SHOC1: variants seen among roughly 807,000 people sequenced by gnomAD.
The protein encoded by SHOC1 is shortage in chiasmata 1.
Under a neutral mutation model 179.2 loss-of-function variants are expected in SHOC1, and 136 were observed. The observed-to-expected ratio is 0.76, with a 90% CI of 0.66 to 0.87. The LOEUF is 0.87. Ranked by LOEUF, SHOC1 falls within the 40% of genes least tolerant of loss-of-function variation. The pLI is 0.00. For missense variants in SHOC1, 1,538 were observed against 1,700.8 expected, an observed-to-expected ratio of 0.90 and a Z score of 1.68; for synonymous variants, 489 against 586.6, an observed-to-expected ratio of 0.83 and a Z score of 2.41.
intron 25 of SHOC1, 74 bp from the exon 26 acceptor site, chr9:111,694,022 A>C: frequency 7.7e-7 from 1 of 1,291,712 alleles, no homozygotes. Context: ...AAGTAAGTAC[A>C]TTTCTTCCTA....
Position 111,691,829 on chromosome 9 carries a change from C to G in SHOC1, c.4148G>C (p.Cys1383Ser), listed in dbSNP as rs1643924923. 6.2e-7 allele frequency: 1 copy of G among 1,613,764 alleles called. No homozygotes were observed. The highest frequency in any genetic ancestry group is 8.5e-7 in the Non-Finnish European group (1 of 1,179,958). The change falls in exon 27 of 28, where the codon TGT becomes TCT. Residue 1383 changes from cysteine to serine, a missense_variant. Physicochemically the swap from Cys to Ser is moderately radical, Grantham distance 112 (BLOSUM62 -1). Coordinates refer to ENST00000682961, the MANE Select transcript of SHOC1 (RefSeq NM_001378211.1). ...NLQYGAQQTA[C>S]NKLYSQKGNL... is the part of the protein sequence containing the mutation. The stretch of plus-strand genomic sequence containing the variant: ...ACCTTTCTGAGAGTACAATTTGTTA[C>G]ATGCAGTCTGCTGTGCACCATATTG...
chr9:111,686,939 C>CTTT (rs10537471), intron 27 of SHOC1, 69 bp from the exon 28 acceptor site: 13,645 of 518,940 alleles, frequency 0.026, 3 homozygotes, highest in East Asian at 0.048. Context: ...TTTTCTTTTC[C>CTTT]TTTTTTTTTT....
intron 12 of SHOC1, among the ~76,000 whole-genome samples, chr9:111,730,770 T>C (rs776745202): frequency 6.6e-6 from 1 of 152,218 alleles, no homozygotes; most frequent in Non-Finnish European, 1.5e-5. Context: ...TAGCCCCTAA[T>C]AGGAGTGTCA....
At chr9:111,772,238 T>C (rs1835641073) in intron 5 of SHOC1, among the ~76,000 whole-genome samples, 1 of 152,156 alleles carries the variant, frequency 6.6e-6, no homozygotes, top group African/African-American at 2.4e-5. Flanking sequence ...AGTTCCAAAA[T>C]TTGTTTGAGT....
chr9:111,740,205 C>G (rs1833970646), intron 11 of SHOC1, among the ~76,000 whole-genome samples: 1 of 152,108 alleles, frequency 6.6e-6, no homozygotes, highest in East Asian at 1.9e-4. Context: ...TTGTTGAATT[C>G]CCAGTTTTAT....
intron 13 of SHOC1, 34 bp downstream of exon 13, chr9:111,727,599 C>A: frequency 6.6e-7 from 1 of 1,516,396 alleles, no homozygotes; most frequent in Non-Finnish European, 8.8e-7. Context: ...TTGAGCCTAC[C>A]ATATCTACGG....
chr9:111,712,809 T>C (rs1832614246), intron 18 of SHOC1, among the ~76,000 whole-genome samples: 1 of 152,214 alleles, frequency 6.6e-6, no homozygotes, highest in African/African-American at 2.4e-5. Context: ...ATAAAACCTA[T>C]TCATAGAATT....
Position 111,725,519 on chromosome 9 carries a change from G to A in SHOC1, c.1835-1608C>T, listed in dbSNP as rs549902424. Among the ~76,000 whole-genome samples the A allele has an allele frequency of 1.1e-3, 166 of 152,272 alleles. 1 individual carries two copies. Among genetic ancestry groups the A allele is most frequent in the Middle Eastern group, 0.01 (3 of 294 alleles). On this transcript the variant is annotated intron_variant, in intron 13 of 27. Coordinates refer to ENST00000682961, the MANE Select transcript of SHOC1 (RefSeq NM_001378211.1). The stretch of plus-strand genomic sequence containing the variant: ...ACCCCACTGGGTCCAGGGAGGGCGG[G>A]GGAGGTCAGGGGCACTGCCCAGAAA...
At chr9:111,705,982 C>T (rs1055922541) in intron 20 of SHOC1, among the ~76,000 whole-genome samples, 6 of 152,054 alleles carry the variant, frequency 3.9e-5, no homozygotes, top group African/African-American at 1.4e-4. Flanking sequence ...ATTTAGACTT[C>T]CCACTCATAT....
At chr9:111,697,329 T>C (rs1457715035) in intron 24 of SHOC1, among the ~76,000 whole-genome samples, 1 of 152,136 alleles carries the variant, frequency 6.6e-6, no homozygotes, top group Non-Finnish European at 1.5e-5. Context: ...CTCCTAATGC[T>C]ATCACTCCCA....
chr9:111,720,660 TAC>T (rs1323782123), intron 15 of SHOC1, among the ~76,000 whole-genome samples: 1 of 152,212 alleles, frequency 6.6e-6, no homozygotes, highest in Admixed American at 6.5e-5. Context: ...TTTCATGCTT[TAC>T]AGTTTTTGCA....
rs1271615399 is a variant in SHOC1 at position 111,786,006 on chromosome 9, A to T, written c.75T>A (p.Asp25Glu). 1.3e-6 allele frequency: 2 copies of T among 1,516,194 alleles called. No individual in the cohort carries two copies. The highest frequency in any genetic ancestry group is 1.8e-6 in the Non-Finnish European group (2 of 1,132,798). 93.9% of individuals were successfully genotyped at this position (1,516,194 alleles called of 1,614,324 possible). Residue 25 changes from aspartate to glutamate, a missense_variant, in exon 3 of 28, where the codon GAT becomes GAA. Physicochemically the swap from Asp to Glu is conservative, Grantham distance 45. Coordinates refer to ENST00000682961, the MANE Select transcript of SHOC1 (RefSeq NM_001378211.1). ...ATGAAGGGATTCGAAGCAATAAAGC[A>T]TCTCTGTAAAACTTCTTTCTAACCA... ...ENVVRKKFYR[D>E]ALLLRIPSCL...
chr9:111,790,253 G>A (rs1418654279), intron 2 of SHOC1, among the ~76,000 whole-genome samples: 2 of 151,400 alleles, frequency 1.3e-5, no homozygotes, highest in African/African-American at 4.8e-5. Flanking sequence ...TGTGGCTTTT[G>A]CCATTACTTT....
intron 8 of SHOC1, 114 bp downstream of exon 8, chr9:111,756,211 C>A (rs1834853788): frequency 3.1e-6 from 2 of 638,598 alleles, no homozygotes; most frequent in Non-Finnish European, 5.0e-6. Context: ...ATGTAACTTG[C>A]AGAACATTTT....
intron 11 of SHOC1, among the ~76,000 whole-genome samples, chr9:111,740,818 C>T (rs996516529): frequency 2.0e-5 from 3 of 152,168 alleles, no homozygotes; most frequent in African/African-American, 4.8e-5. Context: ...ATGATCCGCC[C>T]GGGTCGGCCT....
intron 21 of SHOC1, among the ~76,000 whole-genome samples, chr9:111,704,358 T>C (rs1269881154): frequency 6.6e-6 from 1 of 152,166 alleles, no homozygotes; most frequent in African/African-American, 2.4e-5. Flanking sequence ...AAAAATGGCT[T>C]ACATTTTAAG....
chr9:111,727,937 T>C lies in SHOC1; in HGVS notation c.1530A>G (p.Pro510=), dbSNP rs1370075409. The C allele has an allele frequency of 1.9e-6, 3 of 1,613,334 alleles. No homozygotes were observed. Among genetic ancestry groups the C allele is most frequent in the East Asian group, 2.2e-5 (1 of 44,782 alleles). The stretch of plus-strand genomic sequence containing the variant: ...AATAGTCATCAGAAAAACATAGATC[T>C]GGTACTTCTTTTGCCAGAGATGGAC... ...QKSPSLAKEV[P]DLCFSDDYFS... Residue 510 remains proline, a synonymous_variant, in exon 13 of 28, where the codon CCA becomes CCG. Coordinates refer to ENST00000682961, the MANE Select transcript of SHOC1 (RefSeq NM_001378211.1).
At chr9:111,702,701 G>C (rs1000884819) in intron 22 of SHOC1, among the ~76,000 whole-genome samples, 1 of 152,196 alleles carries the variant, frequency 6.6e-6, no homozygotes, top group Non-Finnish European at 1.5e-5. Context: ...GACTTTCTGG[G>C]AATCTCTACC....
At chr9:111,765,105 C>T (rs919332688) in intron 5 of SHOC1, among the ~76,000 whole-genome samples, 10 of 150,638 alleles carry the variant, frequency 6.6e-5, no homozygotes, top group Admixed American at 3.3e-4. Context: ...CACGCCACTG[C>T]ACTCCAGCCT....
Sources: gnomAD v4.1 joint callset for allele counts (sites outside exome capture counted in the v4.1 genomes callset) on GRCh38, gnomAD v4.1.1 for gene constraint, MANE v1.5 for transcripts, NCBI Gene and HGNC (gene_info 2026-07-23, HGNC 2026-07-21) for gene names.